The following KCNIP4 variants were observed in gnomAD, a reference collection of about 807,000 sequenced individuals.
KCNIP4 encodes potassium voltage-gated channel interacting protein 4.
KCNIP4 carries 12 observed loss-of-function variants against 34.0 expected under a neutral mutation model. That is an observed-to-expected ratio of 0.35 (90% CI 0.23 to 0.57). The LOEUF is 0.57. Ranked by LOEUF, KCNIP4 falls within the 20% of genes least tolerant of loss-of-function variation. The pLI, the probability that KCNIP4 is intolerant of heterozygous loss-of-function variation, is 0.83. For missense variants in KCNIP4, 238 were observed against 311.7 expected (o/e 0.76, Z 1.78); for synonymous variants, 124 against 102.2 (o/e 1.21, Z -1.29).
chr4:21,768,573 C>A (rs1018183083), intron 1 of KCNIP4, among the ~76,000 whole-genome samples: 1 of 152,076 alleles, frequency 6.6e-6, no homozygotes, highest in African/African-American at 2.4e-5. Flanking sequence ...GTACTGCCAC[C>A]TGCTGGTAAG....
intron 5 of KCNIP4, among the ~76,000 whole-genome samples, chr4:20,737,200 C>T (rs1749821875): frequency 6.6e-6 from 1 of 152,092 alleles, no homozygotes; most frequent in Non-Finnish European, 1.5e-5. Flanking sequence ...TTGGCAGGTA[C>T]AGAGAGGAGA....
chr4:21,860,300 AT>A (rs1268175336), intron 1 of KCNIP4, among the ~76,000 whole-genome samples: 1 of 151,866 alleles, frequency 6.6e-6, no homozygotes, highest in Non-Finnish European at 1.5e-5. Flanking sequence ...CACCCGGCTG[AT>A]TTTTGTATTT....
chr4:20,867,471 T>A (rs10000938), intron 2 of KCNIP4, among the ~76,000 whole-genome samples: 3,014 of 152,178 alleles, frequency 0.02, 88 homozygotes, highest in African/African-American at 0.068. Flanking sequence ...TGGCTAACTA[T>A]ACACAGAAGA....
Position 21,863,068 on chromosome 4 carries a change from C to T in KCNIP4, c.61+85503G>A, listed in dbSNP as rs149118408. Reference sequence around the variant, plus strand: ...AATACCACCAGTTTCATCATCATCGCCAACAATAAGGGCAAAAAAATTAAG... The same window carrying T: ...AATACCACCAGTTTCATCATCATCGTCAACAATAAGGGCAAAAAAATTAAG... On this transcript the variant is annotated intron_variant, in intron 1 of 8. Transcript: ENST00000382152. Among the ~76,000 whole-genome samples the T allele has an allele frequency of 6.5e-3, 992 of 152,016 alleles. 10 individuals are homozygous for T. The highest frequency in any genetic ancestry group is 0.021 in the African/African-American group (886 of 41,496).
At chr4:21,407,778 G>T (rs117004895) in intron 1 of KCNIP4, among the ~76,000 whole-genome samples, 1,788 of 152,190 alleles carry the variant, frequency 0.012, 53 homozygotes, top group South Asian at 0.11. Flanking sequence ...ATTTAATTGA[G>T]AAAGTCCTGC....
chr4:21,152,809 A>C (rs1050326084), intron 1 of KCNIP4, among the ~76,000 whole-genome samples: 19 of 152,260 alleles, frequency 1.2e-4, no homozygotes, highest in Admixed American at 3.9e-4. Flanking sequence ...ACAAGAGCGA[A>C]GCCTATTGTG....
At position 21,773,746 on chromosome 4, in the gene KCNIP4, T is replaced by G. The variant is rs1486191593; in HGVS notation, c.61+174825A>C. On this transcript the variant is annotated intron_variant, in intron 1 of 8. Coordinates refer to ENST00000382152, the MANE Select transcript of KCNIP4 (RefSeq NM_025221.6). ...TTGCAACCCCTGTTTTTTTTTGTTG[T>G]TTTTTTTTTTTTGTTTGTTTGTTTT... Among the ~76,000 whole-genome samples the G allele has an allele frequency of 7.6e-3, 398 of 52,314 alleles. 4 individuals carry two copies. The highest frequency in any genetic ancestry group is 0.039 in the African/African-American group (370 of 9,376). The allele number at this position is 52,314 out of a possible 152,430, so 34.3% of individuals were successfully genotyped here. A position where few individuals can be genotyped will look rare whatever the true frequency, so the allele number is the denominator to read the frequency against.
chr4:21,178,617 G>A (rs747792737), intron 1 of KCNIP4, among the ~76,000 whole-genome samples: 1 of 143,498 alleles, frequency 7.0e-6, no homozygotes, highest in Non-Finnish European at 1.5e-5. Flanking sequence ...TGATTGGTGA[G>A]AATGTTAGCT....
chr4:21,474,233 C>T (rs1495502), intron 1 of KCNIP4, among the ~76,000 whole-genome samples: 18,988 of 151,844 alleles, frequency 0.13, 1,356 homozygotes, highest in South Asian at 0.21. Context: ...GCAGGCAAGA[C>T]GAAAAAAATG....
intron 1 of KCNIP4, among the ~76,000 whole-genome samples, chr4:21,754,358 T>C (rs1342899197): frequency 6.6e-6 from 1 of 152,180 alleles, no homozygotes; most frequent in Non-Finnish European, 1.5e-5. Context: ...TTTCTGTGTG[T>C]TTTTCCTTGC....
intron 1 of KCNIP4, among the ~76,000 whole-genome samples, chr4:21,202,224 T>C (rs1200352746): frequency 6.6e-6 from 1 of 152,236 alleles, no homozygotes; most frequent in Non-Finnish European, 1.5e-5. Flanking sequence ...GTGGGATGTA[T>C]ACACCATGGA....
At chr4:21,546,467 A>C (rs1738160867) in intron 1 of KCNIP4, among the ~76,000 whole-genome samples, 1 of 152,292 alleles carries the variant, frequency 6.6e-6, no homozygotes, top group South Asian at 2.1e-4. Context: ...TCGAAGAGAG[A>C]GAAACAGAAA....
rs1014462425 is a variant in KCNIP4, at chr4:21,539,358, G to T, written c.61+409213C>A. Among the ~76,000 whole-genome samples the T allele has an allele frequency of 3.9e-5, 6 of 152,136 alleles. No individual in the cohort carries two copies. The East Asian group carries it at 1.2e-3, about 30-fold the overall frequency. The stretch of plus-strand genomic sequence containing the variant: ...CTCCTAAACTCCAGGACCTCCTTTT[G>T]TAAGAGTGAGAATTCCTAAATTAAA... On this transcript the variant is annotated intron_variant, in intron 1 of 8. Coordinates refer to ENST00000382152, the MANE Select transcript of KCNIP4 (RefSeq NM_025221.6).
At chr4:21,667,341 A>T (rs1174451456) in intron 1 of KCNIP4, among the ~76,000 whole-genome samples, 1 of 152,196 alleles carries the variant, frequency 6.6e-6, no homozygotes, top group Non-Finnish European at 1.5e-5. Flanking sequence ...TTAATTCAAA[A>T]ACCATGTACT....
intron 1 of KCNIP4, among the ~76,000 whole-genome samples, chr4:21,344,111 G>C (rs1465386475): frequency 6.6e-6 from 1 of 152,156 alleles, no homozygotes; most frequent in Non-Finnish European, 1.5e-5. Context: ...GACATGTGCT[G>C]ACAAAGGACT....
chr4:21,494,825 T>C (rs1447531412), intron 1 of KCNIP4, among the ~76,000 whole-genome samples: 2 of 151,344 alleles, frequency 1.3e-5, no homozygotes, highest in Non-Finnish European at 2.9e-5. Flanking sequence ...CCAAGAGATA[T>C]GTTATAGATT....
At chr4:21,551,400 G>T (rs1034417929) in intron 1 of KCNIP4, among the ~76,000 whole-genome samples, 2 of 152,014 alleles carry the variant, frequency 1.3e-5, no homozygotes, top group African/African-American at 4.8e-5. Flanking sequence ...CAAATCTATA[G>T]CCAGTCTCAT....
chr4:20,880,150 T>C lies in KCNIP4; in HGVS notation c.163+2458A>G, dbSNP rs550054553. Among the ~76,000 whole-genome samples the C allele has an allele frequency of 5.3e-5, 8 of 152,322 alleles. No homozygotes were observed. In the South Asian group the frequency reaches 1.7e-3, roughly 32 times the overall value. On this transcript the variant is annotated intron_variant, in intron 2 of 8. Transcript: ENST00000382152. ...ATTGATATGACATAATTAGTACATA[T>C]ACATTGATGGGAAAAAAGATATTAC...
At chr4:21,691,662 T>C (rs1711647236) in intron 1 of KCNIP4, among the ~76,000 whole-genome samples, 1 of 150,906 alleles carries the variant, frequency 6.6e-6, no homozygotes, top group Non-Finnish European at 1.5e-5. Context: ...AAGCTCTGAT[T>C]ACCTTTAGCA....
Sources: allele counts gnomAD v4.1 joint callset (sites outside exome capture counted in the v4.1 genomes callset), GRCh38; gene constraint gnomAD v4.1.1; transcripts MANE v1.5; gene names NCBI Gene and HGNC (gene_info 2026-07-23, HGNC 2026-07-21).